PPFIA2: variants seen among roughly 807,000 people sequenced by gnomAD.
PPFIA2 encodes the protein liprin-alpha-2.
PPFIA2 carries 46 observed loss-of-function variants against 175.5 expected under a neutral mutation model. The observed-to-expected ratio is 0.26, with a 90% CI of 0.21 to 0.34. The LOEUF (loss-of-function observed/expected upper bound fraction) is 0.34. PPFIA2 is among the 10% of genes least tolerant of loss of function. PPFIA2 has a pLI of 1.00. For synonymous variants in PPFIA2, 568 were observed against 511.4 expected (o/e 1.11, Z -1.49); for missense variants, 1,179 against 1,506.1 (o/e 0.78, Z 3.60).
At chr12:81,483,710 C>A (rs1325364928) in intron 4 of PPFIA2, among the ~76,000 whole-genome samples, 1 of 151,404 alleles carries the variant, frequency 6.6e-6, no homozygotes, top group Non-Finnish European at 1.5e-5. Context: ...TTATGAAAAA[C>A]TGTAAGGAAA....
At chr12:81,651,010 G>A (rs2066941514) in intron 4 of PPFIA2, among the ~76,000 whole-genome samples, 1 of 152,186 alleles carries the variant, frequency 6.6e-6, no homozygotes, top group Non-Finnish European at 1.5e-5. Context: ...TAATTTTCAA[G>A]CATTCTGTTT....
chr12:81,593,022 T>C (rs1352601292), intron 4 of PPFIA2, among the ~76,000 whole-genome samples: 1 of 151,896 alleles, frequency 6.6e-6, no homozygotes, highest in Non-Finnish European at 1.5e-5. Context: ...CCTTGCAAAG[T>C]GCTGAGAACA....
chr12:81,316,051 C>A (rs889870183), intron 22 of PPFIA2, among the ~76,000 whole-genome samples: 47 of 151,692 alleles, frequency 3.1e-4, no homozygotes, highest in African/African-American at 1.0e-3. Flanking sequence ...TATGGAGAAT[C>A]TGAACCAAAG....
Position 81,277,334 on chromosome 12 carries a change from C to T in PPFIA2, c.3293G>A (p.Ser1098Asn). The change falls in exon 28 of 33, where the codon AGC (serine) becomes AAC (asparagine). Residue 1098 changes from serine to asparagine, a missense_variant. Around this residue, in one of 10 missense-constraint regions of PPFIA2, gnomAD observed 245 missense variants for 375.1 expected, o/e 0.65. Coordinates refer to ENST00000549396, the MANE Select transcript of PPFIA2 (RefSeq NM_003625.5). ...RKELERRREA[S>N]QHEIKDVLVW... ...TATATTACCTTTTATTTCATGTTGG[C>T]TTGCTTCCCGTCTTCTTTCTAGTTC... 2 of 1,566,876 alleles carry T rather than the reference C, an allele frequency of 1.3e-6. No individual in the cohort carries two copies. The highest frequency in any genetic ancestry group is 1.7e-6 in the Non-Finnish European group (2 of 1,155,056).
Position 81,463,668 on chromosome 12 carries a change from T to C in PPFIA2, c.304-5802A>G, listed in dbSNP as rs559100123. On this transcript the variant is annotated intron_variant, in intron 4 of 32. Coordinates refer to ENST00000549396, the MANE Select transcript of PPFIA2 (RefSeq NM_003625.5). ...CTCACTATGTAGTGGACCCTGTTTT[T>C]AGTGCTGGGAAGATGACAAGCAAAG... Among the ~76,000 whole-genome samples the C allele has an allele frequency of 3.3e-5, 5 of 152,150 alleles. No homozygotes were observed. The South Asian group carries it at 1.0e-3, about 32-fold the overall frequency.
chr12:81,436,740 T>A (rs2049129329), intron 7 of PPFIA2, among the ~76,000 whole-genome samples: 2 of 152,186 alleles, frequency 1.3e-5, no homozygotes, highest in African/African-American at 2.4e-5. Context: ...AGTTGACTCT[T>A]TTCTAATTAC....
At chr12:81,677,237 T>C (rs1455918533) in intron 3 of PPFIA2, among the ~76,000 whole-genome samples, 2 of 151,956 alleles carry the variant, frequency 1.3e-5, no homozygotes, top group Non-Finnish European at 2.9e-5. Flanking sequence ...TATGAATACA[T>C]AATAGTTGTA....
intron 22 of PPFIA2, among the ~76,000 whole-genome samples, chr12:81,322,648 T>C (rs1286303651): frequency 2.6e-5 from 4 of 152,178 alleles, no homozygotes; most frequent in Non-Finnish European, 5.9e-5. Flanking sequence ...GAATTGATGC[T>C]TTAAAGAAAA....
rs983721225 is a variant in PPFIA2 at position 81,428,800 on chromosome 12, C to T, written c.645+11172G>A. Among the ~76,000 whole-genome samples the T allele has an allele frequency of 4.6e-5, 7 of 152,092 alleles. No individual in the cohort carries two copies. The East Asian group carries it at 5.8e-4, about 13-fold the overall frequency. ...TGATACATTTCCAACAGGAATAATA[C>T]GTTCCCAATAAGTGGGTCTTTTGGA... is the stretch of plus-strand genomic sequence containing the variant. On this transcript the variant is annotated intron_variant, in intron 7 of 32. Transcript: ENST00000549396.
intron 4 of PPFIA2, among the ~76,000 whole-genome samples, chr12:81,643,057 C>G (rs1253818409): frequency 6.9e-6 from 1 of 145,012 alleles, no homozygotes; most frequent in Non-Finnish European, 1.5e-5. Flanking sequence ...TATATATACA[C>G]GTATATATTT....
Position 81,465,681 on chromosome 12 carries a change from T to G in PPFIA2, c.304-7815A>C, listed in dbSNP as rs1485961600. Among the ~76,000 whole-genome samples, 4 of 152,160 alleles carry G rather than the reference T, an allele frequency of 2.6e-5. No individual in the cohort carries two copies. The South Asian group carries it at 8.3e-4, about 32-fold the overall frequency. ...ACATAAATTTACATGTAAAAAAATATGTATGTTTTTCCCCAAACCACAGGA... is the reference window on the plus strand; with the variant it reads ...ACATAAATTTACATGTAAAAAAATAGGTATGTTTTTCCCCAAACCACAGGA... On this transcript the variant is annotated intron_variant, in intron 4 of 32. Coordinates refer to ENST00000549396, the MANE Select transcript of PPFIA2 (RefSeq NM_003625.5).
rs559104846 is a variant in PPFIA2 at position 81,265,898 on chromosome 12, A to G, written c.3555+1054T>C. ...ATGAGTTTATAAGACTACCTTTTTG[A>G]ATCAATAATTTCTAGTAAGGATTTA... On this transcript the variant is annotated intron_variant, in intron 30 of 32. Coordinates refer to ENST00000549396, the MANE Select transcript of PPFIA2 (RefSeq NM_003625.5). Among the ~76,000 whole-genome samples, 17 of 152,322 alleles carry G rather than the reference A, an allele frequency of 1.1e-4. 1 individual carries two copies. The South Asian group carries it at 3.3e-3, about 30-fold the overall frequency.
intron 4 of PPFIA2, among the ~76,000 whole-genome samples, chr12:81,640,429 C>T (rs2064808297): frequency 6.6e-6 from 1 of 152,108 alleles, no homozygotes; most frequent in Admixed American, 6.6e-5. Flanking sequence ...ATCACACTTG[C>T]CAAATAATCA....
intron 4 of PPFIA2, among the ~76,000 whole-genome samples, chr12:81,499,081 C>T (rs1307659205): frequency 6.6e-6 from 1 of 152,242 alleles, no homozygotes; most frequent in Non-Finnish European, 1.5e-5. Flanking sequence ...TAGGGTGCTG[C>T]AAGAATGTCA....
intron 4 of PPFIA2, among the ~76,000 whole-genome samples, chr12:81,490,123 G>A (rs531698589): frequency 6.6e-6 from 1 of 151,826 alleles, no homozygotes; most frequent in African/African-American, 2.4e-5. Context: ...TGAATTAAGC[G>A]AATTAAGTTG....
intron 4 of PPFIA2, among the ~76,000 whole-genome samples, chr12:81,557,642 A>G (rs1353746409): frequency 1.2e-4 from 18 of 152,074 alleles, no homozygotes; most frequent in Non-Finnish European, 5.9e-5. Flanking sequence ...TTCACCAGCT[A>G]TCTTTAAAAC....
intron 4 of PPFIA2, among the ~76,000 whole-genome samples, chr12:81,575,175 T>A (rs1251173533): frequency 2.0e-5 from 3 of 151,866 alleles, no homozygotes; most frequent in Non-Finnish European, 4.4e-5. Context: ...GCACGTTTAA[T>A]CATTACTTTT....
chr12:81,732,513 T>TTA (rs375607543), intron 3 of PPFIA2, among the ~76,000 whole-genome samples: 10,288 of 133,744 alleles, frequency 0.077, 490 homozygotes, highest in Non-Finnish European at 0.11. Flanking sequence ...TGTTTTTTTT[T>TTA]AAAAAAAAAA....
intron 3 of PPFIA2, among the ~76,000 whole-genome samples, chr12:81,688,892 C>T (rs1437199647): frequency 4.7e-5 from 7 of 147,588 alleles, no homozygotes; most frequent in Non-Finnish European, 9.0e-5. Flanking sequence ...CGTATCTCTC[C>T]CTTACTGGAA....
Sources: gnomAD v4.1 joint callset for allele counts (sites outside exome capture counted in the v4.1 genomes callset) on GRCh38, gnomAD v4.1.1 for gene constraint, gnomAD v4.1.1 regional missense constraint, MANE v1.5 for transcripts, NCBI Gene and HGNC (gene_info 2026-07-23, HGNC 2026-07-21) for gene names.